DLGAP2: variants seen among roughly 807,000 people sequenced by gnomAD.
DLGAP2 encodes DLG associated protein 2.
In DLGAP2, 26 loss-of-function variants were observed where a neutral mutation model predicts 100.3. The ratio of observed to expected loss-of-function variants is 0.26; its 90% CI spans 0.19 to 0.36. DLGAP2 has a LOEUF of 0.36. Among genes scored for constraint, DLGAP2 ranks in the 10% least tolerant of loss-of-function variants. DLGAP2 has a pLI of 1.00. For missense variants in DLGAP2, 1,858 were observed against 1,453.2 expected, an observed-to-expected ratio of 1.28 and a Z score of -4.53; for synonymous variants, 886 against 630.1, an observed-to-expected ratio of 1.41 and a Z score of -6.08.
intron 3 of DLGAP2, among the ~76,000 whole-genome samples, chr8:1,356,207 T>G (rs193112765): frequency 6.2e-4 from 94 of 152,156 alleles, no homozygotes; most frequent in Admixed American, 1.8e-3. Flanking sequence ...AGAGGCTCCC[T>G]TTGAAAGGTT....
At chr8:885,589 C>G (rs752891162) in intron 1 of DLGAP2, among the ~76,000 whole-genome samples, 16 of 152,190 alleles carry the variant, frequency 1.1e-4, no homozygotes, top group Non-Finnish European at 2.4e-4. Flanking sequence ...TTGACTTCCT[C>G]TCTTCCTACT....
chr8:1,453,403 T>G (rs1186083423), intron 3 of DLGAP2, among the ~76,000 whole-genome samples: 2 of 152,214 alleles, frequency 1.3e-5, no homozygotes, highest in Non-Finnish European at 2.9e-5. Flanking sequence ...ATAATGAAAT[T>G]TACCTTCTTA....
chr8:776,525 C>T (rs13259186), intron 1 of DLGAP2, among the ~76,000 whole-genome samples: 6,746 of 152,192 alleles, frequency 0.044, 208 homozygotes, highest in Middle Eastern at 0.075. Context: ...GCTTTGAATG[C>T]GTCCCAGAGA....
rs554653690 is a variant in DLGAP2, at chr8:1,036,041, C to T, written c.73+128075C>T. Among the ~76,000 whole-genome samples, 740 of 97,962 alleles carry T rather than the reference C, an allele frequency of 7.6e-3. 12 individuals carry two copies. Among genetic ancestry groups the T allele is most frequent in the African/African-American group, 0.025 (685 of 27,476 alleles). The allele number at this position is 97,962 out of a possible 152,430, so 64.3% of individuals were successfully genotyped here. The stretch of plus-strand genomic sequence containing the variant: ...GCGTGTCACCGCGAGTGGGTTCACA[C>T]GCTCATCCCGACCCCGCGTGTCACC... On this transcript the variant is annotated intron_variant, in intron 2 of 14. Coordinates refer to ENST00000637795, the MANE Select transcript of DLGAP2 (RefSeq NM_001346810.2).
At chr8:1,633,069 C>G (rs374997061) in intron 8 of DLGAP2, 23 bp downstream of exon 8, 37 of 1,613,262 alleles carry the variant, frequency 2.3e-5, no homozygotes, top group Non-Finnish European at 3.1e-5. Context: ...CATTTTCAGC[C>G]TTCCAGCGGG....
intron 3 of DLGAP2, among the ~76,000 whole-genome samples, chr8:1,278,052 C>A (rs67743638): frequency 0.29 from 44,224 of 152,018 alleles, 6,843 homozygotes; most frequent in African/African-American, 0.37. Flanking sequence ...TAGTCTCTTG[C>A]AATTTCAACA....
intron 2 of DLGAP2, among the ~76,000 whole-genome samples, chr8:1,166,646 T>C (rs1797022246): frequency 6.6e-6 from 1 of 152,210 alleles, no homozygotes; most frequent in South Asian, 2.1e-4. Flanking sequence ...CAATGCCGCA[T>C]AAGCATGTCG....
At chr8:884,241 A>G (rs893499997) in intron 1 of DLGAP2, among the ~76,000 whole-genome samples, 1 of 152,230 alleles carries the variant, frequency 6.6e-6, no homozygotes, top group African/African-American at 2.4e-5. Context: ...GTTTGAACTA[A>G]TGTACATTCC....
intron 1 of DLGAP2, among the ~76,000 whole-genome samples, chr8:844,064 G>A (rs1490943586): frequency 6.6e-6 from 1 of 152,154 alleles, no homozygotes; most frequent in African/African-American, 2.4e-5. Context: ...GATATGGAGT[G>A]CTCTACTAAT....
intron 1 of DLGAP2, among the ~76,000 whole-genome samples, chr8:759,951 G>T (rs1042216653): frequency 2.0e-5 from 3 of 152,130 alleles, no homozygotes; most frequent in African/African-American, 7.2e-5. Context: ...TTCTCATTTC[G>T]CTTCCACCAC....
chr8:1,188,430 C>T (rs866586567), intron 2 of DLGAP2, among the ~76,000 whole-genome samples: 1 of 131,750 alleles, frequency 7.6e-6, no homozygotes, highest in East Asian at 2.2e-4. Flanking sequence ...CGCGCACGCC[C>T]GGGACCTCCG....
chr8:761,323 G>A (rs988618598), intron 1 of DLGAP2, among the ~76,000 whole-genome samples: 2 of 152,294 alleles, frequency 1.3e-5, no homozygotes, highest in African/African-American at 4.8e-5. Flanking sequence ...CTCACTGGGG[G>A]TTTGAAGGAA....
At chr8:912,745 C>T (rs564674747) in intron 2 of DLGAP2, among the ~76,000 whole-genome samples, 6 of 147,346 alleles carry the variant, frequency 4.1e-5, no homozygotes, top group Non-Finnish European at 7.5e-5. Flanking sequence ...ATGGTGCCCA[C>T]GTTCCTCTCT....
At chr8:1,187,640 T>C (rs1272609508) in intron 2 of DLGAP2, among the ~76,000 whole-genome samples, 71 of 100,082 alleles carry the variant, frequency 7.1e-4, no homozygotes, top group African/African-American at 1.2e-3. Flanking sequence ...GTGACGTTTG[T>C]CTCATGGAAT....
chr8:1,360,291 T>A (rs1225983809), intron 3 of DLGAP2, among the ~76,000 whole-genome samples: 2 of 54,212 alleles, frequency 3.7e-5, no homozygotes, highest in African/African-American at 1.2e-4. Context: ...GGGCGGGGCT[T>A]CTCCGGGGCG....
At chr8:790,427 T>C (rs1392200941) in intron 1 of DLGAP2, among the ~76,000 whole-genome samples, 3 of 152,152 alleles carry the variant, frequency 2.0e-5, no homozygotes, top group Non-Finnish European at 4.4e-5. Flanking sequence ...TGTGAGAAAA[T>C]GTATTTCTCA....
At position 1,597,199 on chromosome 8, in the gene DLGAP2, C is replaced by T. The variant is rs552327512; in HGVS notation, c.1443-29541C>T. Among the ~76,000 whole-genome samples, 161 of 152,100 alleles carry T rather than the reference C, an allele frequency of 1.1e-3. 1 individual carries two copies. The highest frequency in any genetic ancestry group is 3.6e-3 in the African/African-American group (150 of 41,496). Reference sequence around the variant, plus strand: ...TAGATGTGTGGTGTTATTTCTGATGCCTCTGTTCTGTTCCATTGGCCTATG... The same window carrying T: ...TAGATGTGTGGTGTTATTTCTGATGTCTCTGTTCTGTTCCATTGGCCTATG... On this transcript the variant is annotated intron_variant, in intron 6 of 14. Transcript: ENST00000637795.
chr8:1,294,889 T>C (rs1198567380), intron 3 of DLGAP2, among the ~76,000 whole-genome samples: 1 of 63,340 alleles, frequency 1.6e-5, no homozygotes, highest in Non-Finnish European at 4.4e-5. Flanking sequence ...AAAACAAAAC[T>C]TTTTTTTTTA....
intron 2 of DLGAP2, among the ~76,000 whole-genome samples, chr8:1,043,508 C>A (rs919283396): frequency 6.6e-6 from 1 of 151,920 alleles, no homozygotes; most frequent in Non-Finnish European, 1.5e-5. Context: ...CTGTGGAAAG[C>A]TCCCCCTGGC....
Sources: gnomAD v4.1 joint callset for allele counts (sites outside exome capture counted in the v4.1 genomes callset) on GRCh38, gnomAD v4.1.1 for gene constraint, MANE v1.5 for transcripts, NCBI Gene and HGNC (gene_info 2026-07-23, HGNC 2026-07-21) for gene names.